Variants in SLC48A1 observed in about 807,000 individuals in gnomAD.
SLC48A1 encodes heme transporter HRG1.
A neutral mutation model predicts 14.8 loss-of-function variants in SLC48A1; 6 were observed. The ratio of observed to expected loss-of-function variants is 0.41; its 90% CI spans 0.22 to 0.80. The LOEUF is 0.80. SLC48A1 is among the 30% of genes least tolerant of loss of function. The probability of loss-of-function intolerance (pLI) is 0.34; values close to 1 mark genes in which losing one functional copy is unlikely to be tolerated. For synonymous variants in SLC48A1, 89 were observed against 90.0 expected, an observed-to-expected ratio of 0.99 and a Z score of 0.06; for missense variants, 165 against 204.8, an observed-to-expected ratio of 0.81 and a Z score of 1.19.
chr12:47,759,462 G>GAAGA (rs1378569958), intron 1 of SLC48A1, among the ~76,000 whole-genome samples: 1 of 152,254 alleles, frequency 6.6e-6, no homozygotes, highest in African/African-American at 2.4e-5. Context: ...TGAGGCTGGA[G>GAAGA]AGGAAGGACT....
chr12:47,771,816 C>T (rs1358072449), upstream of SLC48A1, among the ~76,000 whole-genome samples: 1 of 151,916 alleles, frequency 6.6e-6, no homozygotes, highest in Non-Finnish European at 1.5e-5. Flanking sequence ...GCGTGTAATC[C>T]CAACTTCTCG....
Position 47,780,133 on chromosome 12 carries a change from C to A in SLC48A1, c.305-12C>A. ...CCTGCCAAAGTCACTGTCGGTACTT[C>A]TCTCCCTGCAGGCCTCACAGACCCC... On this transcript the variant is annotated splice_polypyrimidine_tract_variant and intron_variant, in intron 2 of 2. Coordinates refer to ENST00000442218, the MANE Select transcript of SLC48A1 (RefSeq NM_017842.3). 3.8e-6 allele frequency: 6 copies of A among 1,561,886 alleles called. No homozygotes were observed. The highest frequency in any genetic ancestry group is 5.2e-6 in the Non-Finnish European group (6 of 1,151,354).
At chr12:47,771,127 C>T (rs1942621436), upstream of SLC48A1, 1 of 294,930 alleles carries the variant, frequency 3.4e-6, no homozygotes, top group African/African-American at 2.2e-5. Flanking sequence ...AGGGGTGGGG[C>T]TGGGTTTATT....
upstream of SLC48A1, chr12:47,769,618 T>C (rs1331913463): frequency 1.3e-5 from 2 of 152,228 alleles, no homozygotes; most frequent in Admixed American, 6.5e-5. Flanking sequence ...GCAATCCCTG[T>C]TCAATAAAAA....
exon 2 of SLC48A1, chr12:47,760,297 A>G: frequency 1.0e-6 from 1 of 985,476 alleles, no homozygotes; most frequent in Non-Finnish European, 1.2e-6. Context: ...CCTGAGAATG[A>G]ATCTGACCTC....
upstream of SLC48A1, chr12:47,769,230 A>G (rs528792091): frequency 6.6e-6 from 1 of 152,368 alleles, no homozygotes; most frequent in Non-Finnish European, 1.5e-5. Context: ...TGTGCCCAGA[A>G]AGAGACACAC....
chr12:47,764,414 G>A (rs984621628), intron 2 of SLC48A1, among the ~76,000 whole-genome samples: 2 of 152,132 alleles, frequency 1.3e-5, no homozygotes, highest in Admixed American at 6.5e-5. Context: ...CTCATCCCAG[G>A]CCCAGGCCTC....
chr12:47,760,719 TG>T (rs1026546054), intron 2 of SLC48A1, among the ~76,000 whole-genome samples: 2 of 149,872 alleles, frequency 1.3e-5, no homozygotes, highest in African/African-American at 4.8e-5. Flanking sequence ...ACGTCACAGA[TG>T]GGGAAACTGA....
At position 47,779,101 on chromosome 12, in the gene SLC48A1, G is replaced by T; in HGVS notation, c.210G>T (p.Gly70=). ...ATTATTGGAGGACCTGGCTCAAGGG[G>T]CTGCGCGGCTTCTTCTTCGTGGGCG... ...MQDYWRTWLK[G]LRGFFFVGVL... The change falls in exon 2 of 3, where the codon GGG becomes GGT. Residue 70 remains glycine (G), a synonymous_variant. Transcript: ENST00000442218. 6.4e-7 allele frequency: 1 copy of T among 1,551,870 alleles called. No homozygotes were observed. The highest frequency in any genetic ancestry group is 8.7e-7 in the Non-Finnish European group (1 of 1,147,044).
intron 1 of SLC48A1, 85 bp downstream of exon 1, chr12:47,773,525 C>T (rs1041669456): frequency 1.4e-5 from 17 of 1,237,892 alleles, no homozygotes; most frequent in Non-Finnish European, 1.5e-5. Context: ...TCCCCGCGAG[C>T]GGCGCTTCCC....
intron 2 of SLC48A1, among the ~76,000 whole-genome samples, chr12:47,779,424 CA>C (rs1334501530): frequency 1.3e-5 from 2 of 152,168 alleles, no homozygotes; most frequent in Non-Finnish European, 2.9e-5. Context: ...ATAGCCCATA[CA>C]AGCACTCCTG....
upstream of SLC48A1, among the ~76,000 whole-genome samples, chr12:47,755,327 TA>T (rs1308663639): frequency 6.6e-6 from 1 of 152,190 alleles, no homozygotes; most frequent in Non-Finnish European, 1.5e-5. Flanking sequence ...TTTGATATGA[TA>T]AAGGCAAACC....
At position 47,777,478 on chromosome 12, in the gene SLC48A1, C is replaced by A. The variant is rs1026517625; in HGVS notation, c.137-1550C>A. Among the ~76,000 whole-genome samples the A allele has an allele frequency of 2.6e-5, 4 of 152,202 alleles. No individual in the cohort carries two copies. In the East Asian group the frequency reaches 7.7e-4, roughly 29 times the overall value. On this transcript the variant is annotated intron_variant, in intron 1 of 2. Transcript: ENST00000442218. The surrounding 1 kb of genome is among the most constrained non-coding windows in gnomAD (Gnocchi z 4.5). ...AAACTGGCAGGACCCCTGGGCCCAC[C>A]CATTTTTAGATGTGGAAACACCAAG...
intron 1 of SLC48A1, among the ~76,000 whole-genome samples, chr12:47,773,737 C>T (rs1208535223): frequency 6.6e-6 from 1 of 152,214 alleles, no homozygotes; most frequent in Non-Finnish European, 1.5e-5. Flanking sequence ...CACTGCCTGT[C>T]GCCCTCCGCC....
chr12:47,780,312 G>A lies in SLC48A1; in HGVS notation c.*31G>A. The A allele has an allele frequency of 1.2e-6, 2 of 1,614,084 alleles. No individual in the cohort carries two copies. Among genetic ancestry groups the A allele is most frequent in the East Asian group, 2.2e-5 (1 of 44,876 alleles). On this transcript the variant is annotated 3_prime_UTR_variant, in exon 3 of 3. Transcript: ENST00000442218. ...GGGGTGAGGTCTCTGCACCCTGGGG[G>A]GGCCTTAGGACCTGGACTCAGCCTC...
chr12:47,776,163 C>T (rs1468441210), intron 1 of SLC48A1, among the ~76,000 whole-genome samples: 1 of 152,180 alleles, frequency 6.6e-6, no homozygotes, highest in Non-Finnish European at 1.5e-5. Context: ...GTGGGATCCC[C>T]CGGGTGTCTC....
chr12:47,771,125 G>A (rs568903594), upstream of SLC48A1: 37 of 297,196 alleles, frequency 1.2e-4, no homozygotes, highest in South Asian at 1.0e-3. Context: ...GCAGGGGTGG[G>A]GCTGGGTTTA....
chr12:47,759,804 C>T (rs2136838568), intron 1 of SLC48A1, among the ~76,000 whole-genome samples: 1 of 152,344 alleles, frequency 6.6e-6, no homozygotes, highest in Non-Finnish European at 1.5e-5. Context: ...ACGCCCCACC[C>T]CCAGCTTTTT....
At position 47,782,646 on chromosome 12, in the gene SLC48A1, G is replaced by A. The variant is rs1012552711; in HGVS notation, c.*2365G>A. 2.6e-5 allele frequency: 4 copies of A among 152,302 alleles called. No individual in the cohort carries two copies. The highest frequency in any genetic ancestry group is 6.5e-5 in the Admixed American group (1 of 15,290). The allele number at this position is 152,302 out of a possible 1,614,324, so 9.4% of individuals were successfully genotyped here. A position where few individuals can be genotyped will look rare whatever the true frequency, so the allele number is the denominator to read the frequency against. On this transcript the variant is annotated 3_prime_UTR_variant, in exon 3 of 3. Transcript: ENST00000442218. Reference sequence around the variant, plus strand: ...TCCGGCAGTGACTCAGACCCACACTGTGCCGTGCAGCTGTGTGCCCTGCAC... The same window carrying A: ...TCCGGCAGTGACTCAGACCCACACTATGCCGTGCAGCTGTGTGCCCTGCAC...
Sources: allele counts gnomAD v4.1 joint callset (sites outside exome capture counted in the v4.1 genomes callset), GRCh38; gene constraint gnomAD v4.1.1; non-coding constraint Gnocchi (gnomAD v3.1); transcripts MANE v1.5; gene names NCBI Gene and HGNC (gene_info 2026-07-23, HGNC 2026-07-21).